CACNA1B: variants seen among roughly 807,000 people sequenced by gnomAD.
The protein encoded by CACNA1B is calcium voltage-gated channel subunit alpha1 B.
Under a neutral mutation model 247.2 loss-of-function variants are expected in CACNA1B, and 70 were observed. The observed-to-expected ratio is 0.28, with a 90% CI of 0.23 to 0.35. The LOEUF is 0.35. CACNA1B is among the 10% of genes least tolerant of loss of function. CACNA1B has a pLI of 1.00. For synonymous variants in CACNA1B, 1,231 were observed against 1,294.4 expected (o/e 0.95, Z 1.05); for missense variants, 2,367 against 3,197.4 (o/e 0.74, Z 6.26).
chr9:138,015,957 AGC>A lies in CACNA1B; in HGVS notation c.2267+2723_2267+2724del, dbSNP rs1564239497. On this transcript the variant is annotated intron_variant, in intron 18 of 46. Coordinates refer to ENST00000371372, the MANE Select transcript of CACNA1B (RefSeq NM_000718.4). ...ACATACTCACAAATACATATAGGCAAGCACACACACAGGCACACAGACTCACA... is the reference window on the plus strand; with the variant it reads ...ACATACTCACAAATACATATAGGCAAACACACACAGGCACACAGACTCACA... Among the ~76,000 whole-genome samples, 30 of 152,128 alleles carry A rather than the reference AGC, an allele frequency of 2.0e-4. No homozygotes were observed. The Middle Eastern group carries it at 0.01, about 52-fold the overall frequency.
chr9:138,118,410 A>G (rs1589138892), intron 43 of CACNA1B, among the ~76,000 whole-genome samples: 1 of 72,950 alleles, frequency 1.4e-5, no homozygotes, highest in Non-Finnish European at 2.5e-5. Context: ...GACATGTGAG[A>G]CTTGGGTGGG....
intron 18 of CACNA1B, 140 bp from the exon 19 acceptor site, chr9:138,022,871 C>T (rs1958865523): frequency 8.6e-7 from 1 of 1,169,028 alleles, no homozygotes; most frequent in East Asian, 3.1e-5. Flanking sequence ...CCGCGTCCCC[C>T]GAGGGGTGTG....
intron 37 of CACNA1B, among the ~76,000 whole-genome samples, chr9:138,098,081 T>A (rs1961116512): frequency 6.6e-6 from 1 of 152,204 alleles, no homozygotes; most frequent in Admixed American, 6.5e-5. Flanking sequence ...TGTTTTTCAT[T>A]TGAGTCGGAA....
At chr9:137,922,338 T>C (rs539518902) in intron 6 of CACNA1B, among the ~76,000 whole-genome samples, 4 of 137,626 alleles carry the variant, frequency 2.9e-5, no homozygotes, top group African/African-American at 5.6e-5. Context: ...AGCACCGCGA[T>C]CACACAGCAT....
In CACNA1B at chr9:138,052,576, A is replaced by G. The variant is rs2133491431; in HGVS notation, c.3807+388A>G. Among the ~76,000 whole-genome samples, 1 of 152,220 alleles carries G rather than the reference A, an allele frequency of 6.6e-6. No homozygotes were observed. The highest frequency in any genetic ancestry group is 2.1e-4 in the South Asian group (1 of 4,820). On this transcript the variant is annotated intron_variant, in intron 25 of 46. Transcript: ENST00000371372. The surrounding 1 kb of genome is among the most constrained non-coding windows in gnomAD (Gnocchi z 5.1). ...AGCTTCTGGATAAAGACAGAGAATAAACTCAAACTCATAGGGCCACGCTGA... is the reference window on the plus strand; with the variant it reads ...AGCTTCTGGATAAAGACAGAGAATAGACTCAAACTCATAGGGCCACGCTGA...
At chr9:138,006,978 G>C (rs1958660369) in intron 16 of CACNA1B, 94 bp downstream of exon 16, 1 of 699,688 alleles carries the variant, frequency 1.4e-6, no homozygotes. Flanking sequence ...AGGACTAGGG[G>C]CCGTGGACGT....
At chr9:137,939,842 ATAAAT>A in intron 6 of CACNA1B, among the ~76,000 whole-genome samples, 1 of 138,212 alleles carries the variant, frequency 7.2e-6, no homozygotes, top group Admixed American at 7.0e-5. Flanking sequence ...AAATAAATAA[ATAAAT>A]AAAAAAAAAT....
At position 137,952,533 on chromosome 9, in the gene CACNA1B, G is replaced by A. The variant is rs529188826; in HGVS notation, c.1070+156G>A. ...TCTGGGTTCTGGTAGCCCTTCCTTTGTGCCACCATCCTGACCTGTCCTTGA... is the reference window on the plus strand; with the variant it reads ...TCTGGGTTCTGGTAGCCCTTCCTTTATGCCACCATCCTGACCTGTCCTTGA... On this transcript the variant is annotated intron_variant, in intron 7 of 46. Transcript: ENST00000371372. This position sits in a 1 kb window ranked among gnomAD's most constrained non-coding sequence, Gnocchi z 4.8. 6.6e-6 allele frequency among the ~76,000 whole-genome samples: 1 copy of A among 152,182 alleles called. No homozygotes were observed. The highest frequency in any genetic ancestry group is 2.4e-5 in the African/African-American group (1 of 41,522).
intron 6 of CACNA1B, among the ~76,000 whole-genome samples, chr9:137,935,111 T>C (rs77692070): frequency 0.011 from 1,668 of 152,314 alleles, 37 homozygotes; most frequent in African/African-American, 0.037. Flanking sequence ...ATTTTCTTTT[T>C]TTTCATTATA....
chr9:137,936,120 G>A (rs961362430), intron 6 of CACNA1B, among the ~76,000 whole-genome samples: 3 of 152,202 alleles, frequency 2.0e-5, no homozygotes, highest in African/African-American at 7.2e-5. Context: ...GCCTCCCAAA[G>A]TGCTGGGATT....
intron 15 of CACNA1B, among the ~76,000 whole-genome samples, chr9:137,994,510 A>G (rs1446026964): frequency 1.3e-5 from 2 of 152,244 alleles, no homozygotes; most frequent in African/African-American, 2.4e-5. Flanking sequence ...AGGTTTCAAG[A>G]TACAAAATTA....
At chr9:137,949,297 G>A (rs1957848901) in intron 6 of CACNA1B, among the ~76,000 whole-genome samples, 1 of 4,944 alleles carries the variant, frequency 2.0e-4, no homozygotes, top group African/African-American at 7.4e-4. Flanking sequence ...CGTGTCCTTT[G>A]TGTCTGGTGT....
chr9:138,113,727 A>C, intron 40 of CACNA1B, among the ~76,000 whole-genome samples: 1 of 134,950 alleles, frequency 7.4e-6, no homozygotes, highest in Non-Finnish European at 1.6e-5. Flanking sequence ...GACGTGAGGG[A>C]GTGCCGGGAG....
chr9:137,886,969 C>T (rs1430306165), intron 3 of CACNA1B, among the ~76,000 whole-genome samples: 3 of 150,710 alleles, frequency 2.0e-5, no homozygotes, highest in African/African-American at 7.3e-5. Context: ...ATTCGAGGGA[C>T]ATGGGTGTCC....
intron 1 of CACNA1B, among the ~76,000 whole-genome samples, chr9:137,878,737 G>T (rs1449371767): frequency 2.6e-5 from 4 of 152,124 alleles, no homozygotes; most frequent in African/African-American, 7.2e-5. Context: ...GCCTGGGGGC[G>T]CTCGGCCCCC....
intron 20 of CACNA1B, among the ~76,000 whole-genome samples, chr9:138,032,145 G>C (rs144984262): frequency 2.8e-3 from 432 of 151,750 alleles, no homozygotes; most frequent in African/African-American, 9.4e-3. Context: ...GTATTTTTGA[G>C]TATATCTCTT....
chr9:137,892,002 G>A (rs926125589), intron 3 of CACNA1B: 13 of 456,476 alleles, frequency 2.8e-5, no homozygotes, highest in Middle Eastern at 3.3e-4. Context: ...AGGGCCTTGC[G>A]CCTTGGTCCT....
chr9:138,004,107 G>A (rs1958616571), intron 15 of CACNA1B, among the ~76,000 whole-genome samples: 2 of 152,074 alleles, frequency 1.3e-5, no homozygotes. Context: ...ATACCTGGCA[G>A]CTGCAGTTCT....
In CACNA1B at chr9:137,880,788, T is replaced by A. The variant is rs1956906996; in HGVS notation, c.390+1629T>A. ...TGGGATGGAGGGGAGGCTGTGCTGC[T>A]GCCCACAGAGCAGGCCGAGGCTGGG... is the stretch of plus-strand genomic sequence containing the variant. On this transcript the variant is annotated intron_variant, in intron 2 of 46. Coordinates refer to ENST00000371372, the MANE Select transcript of CACNA1B (RefSeq NM_000718.4). This position sits in a 1 kb window ranked among gnomAD's most constrained non-coding sequence, Gnocchi z 4.8. 6.6e-6 allele frequency among the ~76,000 whole-genome samples: 1 copy of A among 152,090 alleles called. No homozygotes were observed. Among genetic ancestry groups the A allele is most frequent in the Non-Finnish European group, 1.5e-5 (1 of 67,992 alleles).
Sources: allele counts gnomAD v4.1 joint callset (sites outside exome capture counted in the v4.1 genomes callset), GRCh38; gene constraint gnomAD v4.1.1; non-coding constraint Gnocchi (gnomAD v3.1); transcripts MANE v1.5; gene names NCBI Gene and HGNC (gene_info 2026-07-23, HGNC 2026-07-21).